DBT: variants seen among roughly 807,000 people sequenced by gnomAD.
DBT encodes the protein lipoamide acyltransferase component of branched-chain alpha-keto acid dehydrogenase complex, mitochondrial.
DBT carries 40 observed loss-of-function variants against 51.3 expected under a neutral mutation model. The observed-to-expected ratio is 0.78, with a 90% CI of 0.61 to 1.02. The LOEUF (loss-of-function observed/expected upper bound fraction) is 1.02, where lower values mean the gene tolerates loss of function less well. DBT is among the 50% of genes least tolerant of loss of function. DBT has a pLI of 0.00. For synonymous variants in DBT, 181 were observed against 190.4 expected, an observed-to-expected ratio of 0.95 and a Z score of 0.41; for missense variants, 510 against 580.2, an observed-to-expected ratio of 0.88 and a Z score of 1.24.
chr1:100,238,529 T>A (rs1003347497), intron 2 of DBT, among the ~76,000 whole-genome samples: 1 of 151,186 alleles, frequency 6.6e-6, no homozygotes, highest in Non-Finnish European at 1.5e-5. Context: ...ATGGCCTAAC[T>A]CTGTTGCCCA....
intron 8 of DBT, chr1:100,210,443 C>G (rs935654605): frequency 5.5e-6 from 2 of 361,418 alleles, no homozygotes; most frequent in Non-Finnish European, 9.9e-6. Context: ...ATCTGCCATA[C>G]AGCTATGTAT....
chr1:100,206,575 T>C lies in DBT; in HGVS notation c.1079A>G (p.Lys360Arg). The change falls in exon 9 of 11, where the codon AAA (lysine) becomes AGA (arginine). Residue 360 changes from lysine (K) to arginine (R), a missense_variant. Physicochemically the swap from Lys to Arg is conservative, Grantham distance 26. Coordinates refer to ENST00000370132, the MANE Select transcript of DBT (RefSeq NM_001918.5). ...AAATATAGAGCAGATCTGAACATTT[T>C]TCACATTAGGGACAATCAAACCCTG... ...TEQGLIVPNV[K>R]NVQICSIFDI... 6.2e-7 allele frequency: 1 copy of C among 1,612,788 alleles called. No homozygotes were observed. The highest frequency in any genetic ancestry group is 8.5e-7 in the Non-Finnish European group (1 of 1,178,766).
chr1:100,210,587 G>A, intron 8 of DBT, 107 bp downstream of exon 8: 3 of 1,483,128 alleles, frequency 2.0e-6, no homozygotes, highest in Non-Finnish European at 2.8e-6. Flanking sequence ...TTTAATTCTA[G>A]TCTAAAAAAG....
intron 8 of DBT, among the ~76,000 whole-genome samples, chr1:100,207,831 A>C (rs140725047): frequency 3.9e-5 from 6 of 152,164 alleles, no homozygotes; most frequent in African/African-American, 1.4e-4. Flanking sequence ...TGTCAAAAAA[A>C]GAAAAAAAAA....
chr1:100,210,573 T>A lies in DBT; in HGVS notation c.1017+121A>T. 1.1e-5 allele frequency: 15 copies of A among 1,346,234 alleles called. No homozygotes were observed. In the South Asian group the frequency reaches 2.0e-4, roughly 18 times the overall value. 83.4% of individuals were successfully genotyped at this position (1,346,234 alleles called of 1,614,324 possible). A position where few individuals can be genotyped will look rare whatever the true frequency, so the allele number is the denominator to read the frequency against. On this transcript the variant is annotated intron_variant, in intron 8 of 10. Coordinates refer to ENST00000370132, the MANE Select transcript of DBT (RefSeq NM_001918.5). Reference sequence around the variant, plus strand: ...GACTTAAGTTTAATGTTTTACCCCATACCTTTAATTCTAGTCTAAAAAAGA... The same window carrying A: ...GACTTAAGTTTAATGTTTTACCCCAAACCTTTAATTCTAGTCTAAAAAAGA...
chr1:100,204,183 T>C (rs1415596706), intron 10 of DBT, among the ~76,000 whole-genome samples: 1 of 152,216 alleles, frequency 6.6e-6, no homozygotes, highest in Non-Finnish European at 1.5e-5. Context: ...GCAGATGACA[T>C]GATTGTATAT....
intron 1 of DBT, among the ~76,000 whole-genome samples, chr1:100,246,515 C>T (rs946084691): frequency 2.6e-5 from 4 of 152,094 alleles, no homozygotes; most frequent in Non-Finnish European, 5.9e-5. Flanking sequence ...AGAAAAATTC[C>T]AAATGGCATG....
chr1:100,196,887 T>C, intron 10 of DBT: 1 of 193,968 alleles, frequency 5.2e-6, no homozygotes, highest in South Asian at 1.1e-4. Flanking sequence ...TTGTGTTCTT[T>C]GTGGATATTA....
Position 100,192,218 on chromosome 1 carries a change from C to T in DBT, c.*4037G>A, listed in dbSNP as rs576593926. On this transcript the variant is annotated 3_prime_UTR_variant, in exon 11 of 11. Transcript: ENST00000370132. ...TTAAGAACTGATTGGGAATATAGCT[C>T]AACTCTAAAAGCACTGCTCTTCTCT... is the stretch of plus-strand genomic sequence containing the variant. The T allele has an allele frequency of 6.6e-6, 1 of 152,284 alleles. No individual in the cohort carries two copies. Among genetic ancestry groups the T allele is most frequent in the East Asian group, 1.9e-4 (1 of 5,166 alleles). 9.4% of individuals were successfully genotyped at this position (152,284 alleles called of 1,614,324 possible). A position where few individuals can be genotyped will look rare whatever the true frequency, so the allele number is the denominator to read the frequency against.
intron 4 of DBT, among the ~76,000 whole-genome samples, chr1:100,230,226 CACATTTTTAACATG>C (rs573623939): frequency 1.1e-4 from 17 of 152,282 alleles, no homozygotes; most frequent in Admixed American, 8.5e-4. Flanking sequence ...TGTTACTGTA[CACATTTTTAACATG>C]GCAACTGGCC....
chr1:100,245,325 C>T (rs1664472644), intron 1 of DBT, among the ~76,000 whole-genome samples: 1 of 151,944 alleles, frequency 6.6e-6, no homozygotes, highest in South Asian at 2.1e-4. Context: ...GCTAGGATTA[C>T]AGGTGTGAGC....
At chr1:100,215,006 T>A (rs1171087118) in intron 6 of DBT, 23 bp from the exon 7 acceptor site, 3 of 1,558,166 alleles carry the variant, frequency 1.9e-6, no homozygotes, top group African/African-American at 1.4e-5. Context: ...AAATTGTTAT[T>A]CATTTATTTA....
chr1:100,216,436 C>T (rs1213107445), intron 5 of DBT, among the ~76,000 whole-genome samples: 1 of 152,062 alleles, frequency 6.6e-6, no homozygotes, highest in Non-Finnish European at 1.5e-5. Flanking sequence ...TTTATGAAAA[C>T]TTACTTTTTA....
Position 100,187,018 on chromosome 1 carries a change from GC to G in DBT, c.*9236del, listed in dbSNP as rs1486582684. On this transcript the variant is annotated 3_prime_UTR_variant, in exon 11 of 11. Transcript: ENST00000370132. ...CTTTTAAATCTCCATTTGAGAAAAA[GC>G]ATGCCATGAGTCTAAATAACCAATT... is the stretch of plus-strand genomic sequence containing the variant. 7 of 152,168 alleles carry G rather than the reference GC, an allele frequency of 4.6e-5. No individual in the cohort carries two copies. Among genetic ancestry groups the G allele is most frequent in the African/African-American group, 1.7e-4 (7 of 41,440 alleles). The allele number at this position is 152,168 out of a possible 1,614,324, so 9.4% of individuals were successfully genotyped here. A position where few individuals can be genotyped will look rare whatever the true frequency, so the allele number is the denominator to read the frequency against.
chr1:100,212,382 A>T (rs932676085), intron 7 of DBT, among the ~76,000 whole-genome samples: 2 of 151,988 alleles, frequency 1.3e-5, no homozygotes, highest in South Asian at 2.1e-4. Flanking sequence ...CTAAGAATAA[A>T]AAAAAATTAG....
chr1:100,213,409 G>A, intron 7 of DBT: 1 of 1,578,384 alleles, frequency 6.3e-7, no homozygotes. Context: ...CGCCCCCGCA[G>A]CCGCCCTACT....
At chr1:100,216,648 C>A (rs994042777) in intron 5 of DBT, among the ~76,000 whole-genome samples, 1 of 152,140 alleles carries the variant, frequency 6.6e-6, no homozygotes, top group African/African-American at 2.4e-5. Flanking sequence ...CTTTTCTATT[C>A]TTGGGGACTA....
At chr1:100,215,953 G>A in intron 6 of DBT, 30 bp downstream of exon 6, 1 of 1,271,654 alleles carries the variant, frequency 7.9e-7, no homozygotes, top group Non-Finnish European at 1.2e-6. Flanking sequence ...ATGAACTATT[G>A]CCTTATAGTA....
intron 10 of DBT, among the ~76,000 whole-genome samples, chr1:100,204,645 A>C (rs903267430): frequency 6.6e-6 from 1 of 152,202 alleles, no homozygotes; most frequent in African/African-American, 2.4e-5. Flanking sequence ...CCACATAGCC[A>C]AGATAATCCT....
Sources: gnomAD v4.1 joint callset for allele counts (sites outside exome capture counted in the v4.1 genomes callset) on GRCh38, gnomAD v4.1.1 for gene constraint, MANE v1.5 for transcripts, NCBI Gene and HGNC (gene_info 2026-07-23, HGNC 2026-07-21) for gene names.